KANSL1L: variants seen among roughly 807,000 people sequenced by gnomAD.
The protein encoded by KANSL1L is KAT8 regulatory NSL complex subunit 1 like, also known as KAT8 regulatory NSL complex subunit 1-like protein.
Under a neutral mutation model 108.6 loss-of-function variants are expected in KANSL1L, and 25 were observed. The observed-to-expected ratio is 0.23, with a 90% CI of 0.17 to 0.32. The LOEUF is 0.32. Among genes scored for constraint, KANSL1L ranks in the 10% least tolerant of loss-of-function variants. The pLI is 1.00. For synonymous variants in KANSL1L, 405 were observed against 395.1 expected, an observed-to-expected ratio of 1.03 and a Z score of -0.30; for missense variants, 1,137 against 1,125.7, an observed-to-expected ratio of 1.01 and a Z score of -0.14.
At chr2:210,050,693 GAA>G (rs1169870752) in intron 6 of KANSL1L, among the ~76,000 whole-genome samples, 6 of 53,446 alleles carry the variant, frequency 1.1e-4, no homozygotes, top group Admixed American at 6.4e-4. Flanking sequence ...CATCTCTACA[GAA>G]AAAAAAAAAA....
chr2:210,163,387 T>C (rs1443250582), intron 1 of KANSL1L, among the ~76,000 whole-genome samples: 1 of 152,206 alleles, frequency 6.6e-6, no homozygotes, highest in Non-Finnish European at 1.5e-5. Context: ...ATGGGCTTAG[T>C]AGCAGACTGG....
intron 2 of KANSL1L, chr2:210,151,296 C>G (rs1174884699): frequency 1.3e-5 from 2 of 152,222 alleles, no homozygotes; most frequent in Non-Finnish European, 2.9e-5. Context: ...GCTGGGATTA[C>G]AGGCGTGAGC....
rs1002182995 is a variant in KANSL1L at position 210,120,386 on chromosome 2, C to T, written c.1230+8645G>A. On this transcript the variant is annotated intron_variant, in intron 3 of 14. Coordinates refer to ENST00000281772, the MANE Select transcript of KANSL1L (RefSeq NM_152519.4). ...CAGCTTGGGTGACAGGGTGAGACTCCGTCTCCAAAGAAAAAAATAAAAATA... is the reference window on the plus strand; with the variant it reads ...CAGCTTGGGTGACAGGGTGAGACTCTGTCTCCAAAGAAAAAAATAAAAATA... Among the ~76,000 whole-genome samples the T allele has an allele frequency of 3.3e-5, 5 of 151,718 alleles. No individual in the cohort carries two copies. The East Asian group carries it at 7.8e-4, about 24-fold the overall frequency.
At chr2:210,058,359 A>G (rs1398858685) in intron 6 of KANSL1L, among the ~76,000 whole-genome samples, 1 of 152,176 alleles carries the variant, frequency 6.6e-6, no homozygotes, top group Non-Finnish European at 1.5e-5. Context: ...GATGTTATCA[A>G]TGACAATGCG....
intron 6 of KANSL1L, among the ~76,000 whole-genome samples, chr2:210,062,062 G>T (rs986143174): frequency 6.6e-6 from 1 of 152,190 alleles, no homozygotes; most frequent in East Asian, 1.9e-4. Context: ...GCATTTAGAA[G>T]TTGATATGGT....
intron 5 of KANSL1L, among the ~76,000 whole-genome samples, chr2:210,079,229 G>A (rs2094563603): frequency 6.6e-6 from 1 of 152,056 alleles, no homozygotes; most frequent in Non-Finnish European, 1.5e-5. Flanking sequence ...TGAGATTAAA[G>A]TGTATCTATG....
chr2:210,118,472 C>CAAAAAA (rs1273220048), intron 3 of KANSL1L, among the ~76,000 whole-genome samples: 2 of 42,222 alleles, frequency 4.7e-5, no homozygotes, highest in East Asian at 7.5e-4. Context: ...TACTCCAACT[C>CAAAAAA]AAAAAAAAAA....
At chr2:210,080,109 ACC>A (rs2094577511) in intron 5 of KANSL1L, among the ~76,000 whole-genome samples, 2 of 150,072 alleles carry the variant, frequency 1.3e-5, no homozygotes, top group African/African-American at 4.9e-5. Flanking sequence ...ATCCTGTCAT[ACC>A]TGCCCTGCCA....
intron 6 of KANSL1L, among the ~76,000 whole-genome samples, chr2:210,057,141 C>T (rs559659025): frequency 1.3e-5 from 2 of 152,228 alleles, no homozygotes; most frequent in East Asian, 3.9e-4. Flanking sequence ...GTATTTCACA[C>T]CTGTAATCCC....
intron 2 of KANSL1L, among the ~76,000 whole-genome samples, chr2:210,150,025 T>G (rs1301861613): frequency 2.6e-5 from 4 of 152,124 alleles, no homozygotes; most frequent in Non-Finnish European, 5.9e-5. Flanking sequence ...AAAACAAAGT[T>G]TATGTGACCT....
chr2:210,047,435 C>T (rs1051823480), intron 6 of KANSL1L, among the ~76,000 whole-genome samples: 2 of 152,140 alleles, frequency 1.3e-5, no homozygotes, highest in African/African-American at 4.8e-5. Context: ...CCACAAGACA[C>T]TAGAACATGA....
At chr2:210,093,096 C>T (rs2094706611) in intron 5 of KANSL1L, among the ~76,000 whole-genome samples, 1 of 152,150 alleles carries the variant, frequency 6.6e-6, no homozygotes, top group South Asian at 2.1e-4. Context: ...ATTTCATCTT[C>T]CTGCCATGGG....
chr2:210,148,921 T>G (rs1211734169), intron 2 of KANSL1L, among the ~76,000 whole-genome samples: 3 of 152,204 alleles, frequency 2.0e-5, no homozygotes, highest in African/African-American at 4.8e-5. Context: ...AATTTTAAGG[T>G]AAATATAATG....
intron 4 of KANSL1L, 122 bp from the exon 5 acceptor site, chr2:210,098,329 T>C (rs1559553819): frequency 5.7e-6 from 5 of 883,084 alleles, no homozygotes; most frequent in Non-Finnish European, 8.5e-6. Context: ...TTAGTAAATG[T>C]TTTATTTGAC....
intron 2 of KANSL1L, among the ~76,000 whole-genome samples, chr2:210,143,942 T>G (rs1028967053): frequency 2.6e-5 from 4 of 152,204 alleles, no homozygotes; most frequent in Non-Finnish European, 4.4e-5. Flanking sequence ...TATGTTTTCA[T>G]GTTCCTAATT....
intron 5 of KANSL1L, among the ~76,000 whole-genome samples, chr2:210,083,967 G>A (rs950720696): frequency 5.3e-5 from 8 of 151,976 alleles, no homozygotes; most frequent in African/African-American, 1.9e-4. Context: ...GCATTGCCTG[G>A]TATAGAGAAA....
intron 7 of KANSL1L, among the ~76,000 whole-genome samples, chr2:210,041,316 A>T (rs58931716): frequency 0.016 from 2,485 of 152,330 alleles, 73 homozygotes; most frequent in African/African-American, 0.057. Flanking sequence ...TTCCTTGAGA[A>T]CATATTTTAT....
At chr2:210,089,612 G>C (rs943597611) in intron 5 of KANSL1L, among the ~76,000 whole-genome samples, 1 of 151,252 alleles carries the variant, frequency 6.6e-6, no homozygotes, top group African/African-American at 2.4e-5. Context: ...TAAAAGTTGT[G>C]TATTCTCATA....
intron 3 of KANSL1L, among the ~76,000 whole-genome samples, chr2:210,117,120 A>G (rs1429875235): frequency 6.6e-6 from 1 of 152,220 alleles, no homozygotes; most frequent in Admixed American, 6.5e-5. Context: ...CACAAGATAG[A>G]GTCTCTTAAC....
Sources: gnomAD v4.1 joint callset for allele counts (sites outside exome capture counted in the v4.1 genomes callset) on GRCh38, gnomAD v4.1.1 for gene constraint, MANE v1.5 for transcripts, NCBI Gene and HGNC (gene_info 2026-07-23, HGNC 2026-07-21) for gene names.